The following ASZ1 variants were observed in gnomAD, a reference collection of about 807,000 sequenced individuals.
ASZ1 encodes the protein ankyrin repeat, SAM and basic leucine zipper domain containing 1.
ASZ1 carries 67 observed loss-of-function variants against 61.8 expected under a neutral mutation model. The ratio of observed to expected loss-of-function variants is 1.08; its 90% confidence interval spans 0.89 to 1.33. The LOEUF (loss-of-function observed/expected upper bound fraction) is 1.33. Among genes scored for constraint, ASZ1 ranks in the 40% most tolerant of loss-of-function variants. The probability of loss-of-function intolerance (pLI) is 0.00; values close to 1 mark genes in which losing one functional copy is unlikely to be tolerated. For synonymous variants in ASZ1, 193 were observed against 192.7 expected (o/e 1.00, Z -0.01); for missense variants, 577 against 554.5 (o/e 1.04, Z -0.41).
intron 6 of ASZ1, among the ~76,000 whole-genome samples, chr7:117,383,630 G>A (rs1796296018): frequency 6.6e-6 from 1 of 151,896 alleles, no homozygotes; most frequent in Non-Finnish European, 1.5e-5. Context: ...TGAAATTCCT[G>A]AGTTTTAAAA....
chr7:117,372,184 G>C (rs980447657), intron 10 of ASZ1, among the ~76,000 whole-genome samples: 1 of 152,108 alleles, frequency 6.6e-6, no homozygotes, highest in African/African-American at 2.4e-5. Flanking sequence ...ATATGACATA[G>C]GTATAGTAGA....
chr7:117,382,964 G>A (rs775345717), intron 7 of ASZ1, 22 bp downstream of exon 7: 2 of 1,526,522 alleles, frequency 1.3e-6, no homozygotes, highest in East Asian at 4.9e-5. Context: ...GTATTCTGTT[G>A]AACTAAAACA....
intron 10 of ASZ1, among the ~76,000 whole-genome samples, chr7:117,374,029 A>C (rs894955551): frequency 7.2e-5 from 11 of 152,108 alleles, no homozygotes; most frequent in African/African-American, 2.4e-4. Context: ...TTCTGAAACA[A>C]TGATGAGGCA....
chr7:117,367,344 A>G lies in ASZ1; in HGVS notation c.1275+8T>C. 2.7e-6 allele frequency: 4 copies of G among 1,506,554 alleles called. No individual in the cohort carries two copies. The highest frequency in any genetic ancestry group is 3.5e-6 in the Non-Finnish European group (4 of 1,128,054). 93.3% of individuals were successfully genotyped at this position (1,506,554 alleles called of 1,614,324 possible). ...ATTTTTCCCCTCCTTTTAATGTTAA[A>G]TATATACCTTTTGAATTAGGTCTTT... On this transcript the variant is annotated splice_region_variant and intron_variant, in intron 12 of 12. Transcript: ENST00000284629.
At chr7:117,407,501 T>C (rs1562857579) in intron 4 of ASZ1, among the ~76,000 whole-genome samples, 1 of 152,060 alleles carries the variant, frequency 6.6e-6, no homozygotes, top group Non-Finnish European at 1.5e-5. Flanking sequence ...CCACAGATAG[T>C]AGTGAACCAT....
chr7:117,424,951 C>G (rs1039158094), intron 2 of ASZ1, among the ~76,000 whole-genome samples: 6 of 152,124 alleles, frequency 3.9e-5, no homozygotes, highest in Non-Finnish European at 8.8e-5. Context: ...TGCCAACAAC[C>G]CTTTGATATA....
intron 2 of ASZ1, among the ~76,000 whole-genome samples, chr7:117,426,499 A>G (rs1368018275): frequency 6.7e-6 from 1 of 150,364 alleles, no homozygotes; most frequent in Non-Finnish European, 1.5e-5. Flanking sequence ...AAAAAAAAAA[A>G]AAAAAAAAAA....
At chr7:117,407,829 C>A (rs1158334896) in intron 4 of ASZ1, among the ~76,000 whole-genome samples, 2 of 152,158 alleles carry the variant, frequency 1.3e-5, no homozygotes, top group African/African-American at 4.8e-5. Flanking sequence ...GGATCATCTG[C>A]TTCTGGTGAT....
At chr7:117,397,253 A>G (rs1796594052) in intron 4 of ASZ1, among the ~76,000 whole-genome samples, 1 of 152,064 alleles carries the variant, frequency 6.6e-6, no homozygotes, top group Admixed American at 6.6e-5. Flanking sequence ...ACCAAACCAA[A>G]CCAAACGCAA....
chr7:117,412,610 C>T (rs1212792597), intron 4 of ASZ1, among the ~76,000 whole-genome samples: 1 of 151,772 alleles, frequency 6.6e-6, no homozygotes, highest in Non-Finnish European at 1.5e-5. Context: ...ATGACTACGT[C>T]AAAACCTAGG....
intron 7 of ASZ1, among the ~76,000 whole-genome samples, chr7:117,382,750 T>G (rs1329564387): frequency 6.6e-6 from 1 of 152,110 alleles, no homozygotes; most frequent in African/African-American, 2.4e-5. Flanking sequence ...AAATAGATTT[T>G]ATTGTTGATA....
Position 117,426,945 on chromosome 7 carries a change from T to A in ASZ1, c.106-10A>T. ...ATAGCCTTTTCAATTTCTAGAAAAG[T>A]AAACATTTTAAAAAATTCTTGTTAT... is the stretch of plus-strand genomic sequence containing the variant. On this transcript the variant is annotated splice_polypyrimidine_tract_variant and intron_variant, in intron 1 of 12. Transcript: ENST00000284629. 2 of 1,576,150 alleles carry A rather than the reference T, an allele frequency of 1.3e-6. No individual in the cohort carries two copies. The highest frequency in any genetic ancestry group is 1.7e-6 in the Non-Finnish European group (2 of 1,166,998).
chr7:117,371,903 GA>G (rs1796057432), intron 10 of ASZ1, among the ~76,000 whole-genome samples: 1 of 152,126 alleles, frequency 6.6e-6, no homozygotes, highest in African/African-American at 2.4e-5. Flanking sequence ...TTATTCTTAA[GA>G]TAGTAAGACT....
chr7:117,377,216 A>C (rs1422518581), intron 10 of ASZ1, among the ~76,000 whole-genome samples: 2 of 152,192 alleles, frequency 1.3e-5, no homozygotes, highest in African/African-American at 4.8e-5. Flanking sequence ...TATGATGAAA[A>C]TGACAAAATG....
chr7:117,415,083 T>C (rs957755224), intron 4 of ASZ1, among the ~76,000 whole-genome samples: 4 of 152,134 alleles, frequency 2.6e-5, no homozygotes, highest in Admixed American at 1.3e-4. Flanking sequence ...TCCACAATGA[T>C]TGAACTAATT....
intron 4 of ASZ1, among the ~76,000 whole-genome samples, chr7:117,395,428 G>C (rs1375423171): frequency 6.6e-6 from 1 of 151,998 alleles, no homozygotes; most frequent in Non-Finnish European, 1.5e-5. Flanking sequence ...TGAATACGAT[G>C]TTTAATTCTA....
At chr7:117,426,507 A>AG (rs895539287) in intron 2 of ASZ1, among the ~76,000 whole-genome samples, 5 of 149,270 alleles carry the variant, frequency 3.3e-5, no homozygotes, top group East Asian at 1.9e-4. Flanking sequence ...AAAAAAAAAA[A>AG]AAAGAAAAAG....
intron 5 of ASZ1, 108 bp downstream of exon 5, chr7:117,385,590 A>G (rs938109713): frequency 1.2e-5 from 11 of 896,444 alleles, no homozygotes; most frequent in Middle Eastern, 2.8e-4. Flanking sequence ...TTCACCAGAT[A>G]GCAATTATAT....
intron 4 of ASZ1, among the ~76,000 whole-genome samples, chr7:117,411,826 G>A (rs1319814832): frequency 6.6e-6 from 1 of 151,694 alleles, no homozygotes; most frequent in African/African-American, 2.4e-5. Context: ...TGACAAAGTT[G>A]GGATTCAAAC....
Sources: allele counts gnomAD v4.1 joint callset (sites outside exome capture counted in the v4.1 genomes callset), GRCh38; gene constraint gnomAD v4.1.1; transcripts MANE v1.5; gene names NCBI Gene and HGNC (gene_info 2026-07-23, HGNC 2026-07-21).